SMOC2: variants seen among roughly 807,000 people sequenced by gnomAD.
SMOC2 encodes SPARC related modular calcium binding 2, also known as SPARC-related modular calcium-binding protein 2.
A neutral mutation model predicts 61.4 loss-of-function variants in SMOC2; 39 were observed. The ratio of observed to expected loss-of-function variants is 0.64; its 90% confidence interval spans 0.49 to 0.83. SMOC2 has a LOEUF of 0.83. SMOC2 is among the 40% of genes least tolerant of loss of function. The pLI, the probability that SMOC2 is intolerant of heterozygous loss-of-function variation, is 0.00. For synonymous variants in SMOC2, 247 were observed against 239.9 expected (o/e 1.03, Z -0.27); for missense variants, 556 against 592.9 (o/e 0.94, Z 0.65).
chr6:168,530,643 C>G (rs1355950220), intron 4 of SMOC2, among the ~76,000 whole-genome samples: 2 of 144,866 alleles, frequency 1.4e-5, no homozygotes, highest in African/African-American at 2.7e-5. Context: ...TGCAACCCCC[C>G]CCCCCCCGCC....
chr6:168,497,452 C>T (rs960713477), intron 1 of SMOC2, among the ~76,000 whole-genome samples: 3 of 152,192 alleles, frequency 2.0e-5, no homozygotes, highest in Admixed American at 6.5e-5. Flanking sequence ...CTGTGGCCTC[C>T]GCGGCATGTG....
chr6:168,635,353 G>A (rs886213365), intron 9 of SMOC2, among the ~76,000 whole-genome samples: 9 of 152,122 alleles, frequency 5.9e-5, no homozygotes, highest in Non-Finnish European at 7.3e-5. Flanking sequence ...AATAAAGAGC[G>A]CAGGGAAAAA....
In SMOC2 at chr6:168,453,820, C is replaced by T. The variant is rs1781519463; in HGVS notation, c.84+12366C>T. Reference sequence around the variant, plus strand: ...GTCATTCTCCATCTCTGTCCTCTATCTCTCTCCGTCTCTCTGTTTGTCTCT... The same window carrying T: ...GTCATTCTCCATCTCTGTCCTCTATTTCTCTCCGTCTCTCTGTTTGTCTCT... On this transcript the variant is annotated intron_variant, in intron 1 of 12. Coordinates refer to ENST00000356284, the MANE Select transcript of SMOC2 (RefSeq NM_001166412.2). This position sits in a 1 kb window ranked among gnomAD's most constrained non-coding sequence, Gnocchi z 4.4. Among the ~76,000 whole-genome samples, 1 of 151,590 alleles carries T rather than the reference C, an allele frequency of 6.6e-6. No individual in the cohort carries two copies. Among genetic ancestry groups the T allele is most frequent in the South Asian group, 2.1e-4 (1 of 4,768 alleles).
rs920431603 is a variant in SMOC2, at chr6:168,558,888, CGTGTGCATGT to C, written c.637+9693_637+9702del. Among the ~76,000 whole-genome samples, 7 of 148,184 alleles carry C rather than the reference CGTGTGCATGT, an allele frequency of 4.7e-5. No homozygotes were observed. In the South Asian group the frequency reaches 6.6e-4, roughly 14 times the overall value. ...GTGTGTGCATGTGTGTGCGTGTGTG[CGTGTGCATGT>C]GTGTGCACGTGTGTATGTGTGCTTG... On this transcript the variant is annotated intron_variant, in intron 7 of 12. Transcript: ENST00000356284.
chr6:168,651,470 C>G (rs1787190623), intron 10 of SMOC2, among the ~76,000 whole-genome samples: 1 of 152,162 alleles, frequency 6.6e-6, no homozygotes, highest in Non-Finnish European at 1.5e-5. Flanking sequence ...GATGGCATCT[C>G]AAGCATCAGA....
intron 9 of SMOC2, among the ~76,000 whole-genome samples, chr6:168,628,194 A>G (rs1054817070): frequency 6.6e-6 from 1 of 152,166 alleles, no homozygotes; most frequent in African/African-American, 2.4e-5. Flanking sequence ...CACTTTGGAG[A>G]GCCTCACTTT....
intron 9 of SMOC2, among the ~76,000 whole-genome samples, chr6:168,633,902 G>T (rs111271701): frequency 0.011 from 1,680 of 152,232 alleles, 33 homozygotes; most frequent in African/African-American, 0.039. Context: ...CATGGGGGTG[G>T]TTACCCCTAC....
chr6:168,623,415 T>C (rs1437460167), intron 9 of SMOC2, among the ~76,000 whole-genome samples: 7 of 148,400 alleles, frequency 4.7e-5, no homozygotes, highest in Non-Finnish European at 8.9e-5. Flanking sequence ...ACTGCAACCT[T>C]CCCGGGTTCA....
chr6:168,527,520 C>G, intron 3 of SMOC2, 108 bp from the exon 4 acceptor site: 1 of 766,346 alleles, frequency 1.3e-6, no homozygotes, highest in Non-Finnish European at 2.2e-6. Flanking sequence ...TCTGGGTATC[C>G]CAGGACCCTG....
chr6:168,490,407 G>A (rs1405817371), intron 1 of SMOC2, among the ~76,000 whole-genome samples: 1 of 152,176 alleles, frequency 6.6e-6, no homozygotes, highest in Non-Finnish European at 1.5e-5. Flanking sequence ...AAGGCGCGCA[G>A]CATACAAGGC....
chr6:168,521,246 T>C (rs967710740), intron 2 of SMOC2, among the ~76,000 whole-genome samples: 2 of 152,132 alleles, frequency 1.3e-5, no homozygotes, highest in African/African-American at 4.8e-5. Context: ...CCTCCCAGGT[T>C]CATGTGATTC....
Position 168,666,679 on chromosome 6 carries a change from G to T in SMOC2, c.*241G>T. 2 of 562,154 alleles carry T rather than the reference G, an allele frequency of 3.6e-6. No individual in the cohort carries two copies. The highest frequency in any genetic ancestry group is 6.4e-6 in the Non-Finnish European group (2 of 311,288). 34.8% of individuals were successfully genotyped at this position (562,154 alleles called of 1,614,324 possible). ...CTTTTGACCTTGGAAATCTGTATGT[G>T]GTGGAGAAGTATTTGAATGCATTTA... On this transcript the variant is annotated 3_prime_UTR_variant, in exon 13 of 13. Transcript: ENST00000356284.
chr6:168,579,826 G>A (rs1328680049), intron 7 of SMOC2, among the ~76,000 whole-genome samples: 1 of 152,184 alleles, frequency 6.6e-6, no homozygotes, highest in East Asian at 1.9e-4. Context: ...TAGAAACTTA[G>A]GCTAAATGAG....
chr6:168,578,420 AGGT>A (rs1784853506), intron 7 of SMOC2, among the ~76,000 whole-genome samples: 1 of 152,208 alleles, frequency 6.6e-6, no homozygotes, highest in African/African-American at 2.4e-5. Flanking sequence ...AATTCCATTG[AGGT>A]AGGAGACGGG....
At chr6:168,530,165 ATG>A (rs1004135742) in intron 4 of SMOC2, among the ~76,000 whole-genome samples, 8 of 152,144 alleles carry the variant, frequency 5.3e-5, no homozygotes, top group Non-Finnish European at 2.9e-5. Flanking sequence ...CAGAAAGTGC[ATG>A]TGTGTGTGTT....
At chr6:168,618,244 G>A (rs867467480) in intron 9 of SMOC2, among the ~76,000 whole-genome samples, 8 of 152,344 alleles carry the variant, frequency 5.3e-5, no homozygotes, top group Middle Eastern at 3.4e-3. Context: ...CAAACAAGCC[G>A]ATCATGATTA....
At chr6:168,570,627 A>G (rs561915834) in intron 7 of SMOC2, among the ~76,000 whole-genome samples, 2 of 152,366 alleles carry the variant, frequency 1.3e-5, no homozygotes, top group Admixed American at 6.5e-5. Context: ...GGAAGCATCT[A>G]CAATGGGCCT....
chr6:168,489,443 T>C (rs1385971750), intron 1 of SMOC2, among the ~76,000 whole-genome samples: 1 of 134,294 alleles, frequency 7.4e-6, no homozygotes, highest in Non-Finnish European at 1.6e-5. Flanking sequence ...AGTTTTAGAG[T>C]GAAATATATT....
chr6:168,501,497 A>G (rs1782728064), intron 1 of SMOC2, among the ~76,000 whole-genome samples: 1 of 152,054 alleles, frequency 6.6e-6, no homozygotes, highest in South Asian at 2.1e-4. Flanking sequence ...GGGGCCAGGA[A>G]CCTGCATCAT....
Sources: allele counts gnomAD v4.1 joint callset (sites outside exome capture counted in the v4.1 genomes callset), GRCh38; gene constraint gnomAD v4.1.1; non-coding constraint Gnocchi (gnomAD v3.1); transcripts MANE v1.5; gene names NCBI Gene and HGNC (gene_info 2026-07-23, HGNC 2026-07-21).